GRID2: variants seen among roughly 807,000 people sequenced by gnomAD.
GRID2 encodes the protein glutamate ionotropic receptor delta type subunit 2.
A neutral mutation model predicts 114.8 loss-of-function variants in GRID2; 33 were observed. The ratio of observed to expected loss-of-function variants is 0.29; its 90% confidence interval spans 0.22 to 0.38. The LOEUF (loss-of-function observed/expected upper bound fraction) is 0.38, where lower values mean the gene tolerates loss of function less well. GRID2 is among the 10% of genes least tolerant of loss of function. GRID2 has a pLI of 1.00. For missense variants in GRID2, 1,184 were observed against 1,257.7 expected (o/e 0.94, Z 0.89); for synonymous variants, 505 against 449.9 (o/e 1.12, Z -1.55).
chr4:93,802,935 A>G (rs905855342), intron 1 of GRID2, among the ~76,000 whole-genome samples: 2 of 152,238 alleles, frequency 1.3e-5, no homozygotes, highest in African/African-American at 4.8e-5. Flanking sequence ...CCCCTTGTGC[A>G]AAAGATCGTA....
intron 2 of GRID2, among the ~76,000 whole-genome samples, chr4:92,738,769 A>G (rs1736724992): frequency 6.6e-6 from 1 of 152,078 alleles, no homozygotes; most frequent in African/African-American, 2.4e-5. Context: ...CTCCTACCTC[A>G]GCCTCCTCAG....
intron 13 of GRID2, among the ~76,000 whole-genome samples, chr4:93,543,145 C>G (rs1381217027): frequency 6.6e-6 from 1 of 152,134 alleles, no homozygotes; most frequent in Non-Finnish European, 1.5e-5. Flanking sequence ...AAATGAAAAA[C>G]ACCCTACTTT....
rs372387764 is a variant in GRID2, at chr4:93,225,620, G to A, written c.1125+845G>A. Among the ~76,000 whole-genome samples, 16 of 151,880 alleles carry A rather than the reference G, an allele frequency of 1.1e-4. No homozygotes were observed. In the East Asian group the frequency reaches 1.4e-3, roughly 13 times the overall value. On this transcript the variant is annotated intron_variant, in intron 7 of 15. Coordinates refer to ENST00000282020, the MANE Select transcript of GRID2 (RefSeq NM_001510.4). ...CCTGAAACCCAAAGAAAAATAGCTA[G>A]TCAATTGAAATATAAATGCCCTTAA...
chr4:93,800,382 G>A (rs992449126), intron 1 of GRID2, among the ~76,000 whole-genome samples: 11 of 152,172 alleles, frequency 7.2e-5, no homozygotes, highest in African/African-American at 2.4e-4. Context: ...TGTCTGACAC[G>A]TATCTTATCA....
intron 2 of GRID2, among the ~76,000 whole-genome samples, chr4:92,984,387 C>T (rs868331850): frequency 6.6e-6 from 1 of 152,212 alleles, no homozygotes; most frequent in Non-Finnish European, 1.5e-5. Context: ...TATATCATTG[C>T]AGAAAGATAT....
At chr4:92,655,820 T>A (rs1453026177) in intron 2 of GRID2, among the ~76,000 whole-genome samples, 1 of 151,876 alleles carries the variant, frequency 6.6e-6, no homozygotes, top group African/African-American at 2.4e-5. Context: ...ACTCCCTCTT[T>A]TCCAGTTTGG....
At chr4:93,664,588 A>G (rs1723788116) in intron 14 of GRID2, among the ~76,000 whole-genome samples, 1 of 152,182 alleles carries the variant, frequency 6.6e-6, no homozygotes, top group Non-Finnish European at 1.5e-5. Context: ...TTGAACAACT[A>G]GAAGGGTAGA....
chr4:92,646,468 T>A (rs887497901), intron 2 of GRID2, among the ~76,000 whole-genome samples: 69 of 151,998 alleles, frequency 4.5e-4, no homozygotes, highest in Non-Finnish European at 8.2e-4. Flanking sequence ...AACACTTAAA[T>A]CTTGACTAAA....
At chr4:92,417,577 AG>A (rs1326628557) in intron 1 of GRID2, among the ~76,000 whole-genome samples, 1 of 152,198 alleles carries the variant, frequency 6.6e-6, no homozygotes, top group East Asian at 1.9e-4. Context: ...ATTTTTAAAA[AG>A]TACCAGGTAT....
At chr4:93,294,941 C>T (rs1380497555) in intron 8 of GRID2, among the ~76,000 whole-genome samples, 3 of 151,972 alleles carry the variant, frequency 2.0e-5, no homozygotes, top group East Asian at 1.9e-4. Context: ...GTTAATTTAT[C>T]GGATAGGGTG....
At chr4:93,562,894 G>A (rs556897533) in intron 13 of GRID2, among the ~76,000 whole-genome samples, 1 of 152,046 alleles carries the variant, frequency 6.6e-6, no homozygotes, top group South Asian at 2.1e-4. Context: ...TGATCTCTCT[G>A]TGCGTTCTTT....
chr4:93,082,206 C>T (rs944356437), intron 2 of GRID2, among the ~76,000 whole-genome samples: 1 of 152,168 alleles, frequency 6.6e-6, no homozygotes, highest in African/African-American at 2.4e-5. Context: ...TCTTCCTTTC[C>T]TCTTCAGTGG....
intron 2 of GRID2, among the ~76,000 whole-genome samples, chr4:92,750,807 A>G (rs1162736584): frequency 6.6e-6 from 1 of 152,236 alleles, no homozygotes; most frequent in African/African-American, 2.4e-5. Flanking sequence ...GAATAGCAGC[A>G]ATAATTTACA....
intron 2 of GRID2, among the ~76,000 whole-genome samples, chr4:92,689,334 T>G (rs1219172703): frequency 6.6e-6 from 1 of 152,212 alleles, no homozygotes; most frequent in South Asian, 2.1e-4. Context: ...AGATGGCGTC[T>G]TCTTCCAATA....
chr4:93,797,857 A>C (rs1017185921), intron 1 of GRID2, among the ~76,000 whole-genome samples: 7 of 151,666 alleles, frequency 4.6e-5, no homozygotes, highest in Non-Finnish European at 8.8e-5. Context: ...AAAAAAAAAA[A>C]AAAAGAGGAG....
chr4:92,703,617 T>TTATATATA lies in GRID2; in HGVS notation c.244+113352_244+113359dup, dbSNP rs3971001. ...TTCATTAATAAAATGAGGAAAAACA[T>TTATATATA]TATATATATATATATATATATATAT... On this transcript the variant is annotated intron_variant, in intron 2 of 15. Transcript: ENST00000282020. 3.6e-3 allele frequency among the ~76,000 whole-genome samples: 502 copies of TTATATATA among 140,982 alleles called. 3 individuals are homozygous for TTATATATA. Among genetic ancestry groups the TTATATATA allele is most frequent in the African/African-American group, 0.011 (414 of 38,136 alleles). 92.5% of individuals were successfully genotyped at this position (140,982 alleles called of 152,430 possible).
intron 11 of GRID2, among the ~76,000 whole-genome samples, chr4:93,485,446 C>A (rs531767179): frequency 2.0e-5 from 3 of 151,672 alleles, no homozygotes; most frequent in African/African-American, 4.8e-5. Context: ...TTAATAAATC[C>A]TTTTCTACCC....
At chr4:93,434,407 A>G (rs2149383865) in intron 10 of GRID2, among the ~76,000 whole-genome samples, 1 of 152,264 alleles carries the variant, frequency 6.6e-6, no homozygotes, top group African/African-American at 2.4e-5. Context: ...TATGTAACAA[A>G]CCTGCACATT....
At chr4:93,713,061 G>T (rs894425759) in intron 14 of GRID2, among the ~76,000 whole-genome samples, 17 of 151,978 alleles carry the variant, frequency 1.1e-4, no homozygotes, top group Admixed American at 3.3e-4. Flanking sequence ...GTTATGTTTT[G>T]TTTTTACCTT....
Sources: allele counts gnomAD v4.1 joint callset (sites outside exome capture counted in the v4.1 genomes callset), GRCh38; gene constraint gnomAD v4.1.1; transcripts MANE v1.5; gene names NCBI Gene and HGNC (gene_info 2026-07-23, HGNC 2026-07-21).